Variants in RFTN2 observed in about 807,000 individuals in gnomAD.
RFTN2 encodes raftlin family member 2, also known as raftlin-2.
Under a neutral mutation model 52.7 loss-of-function variants are expected in RFTN2, and 34 were observed. The ratio of observed to expected loss-of-function variants is 0.64; its 90% CI spans 0.49 to 0.86. The LOEUF (loss-of-function observed/expected upper bound fraction) is 0.86. Among genes scored for constraint, RFTN2 ranks in the 40% least tolerant of loss-of-function variants. The pLI, the probability that RFTN2 is intolerant of heterozygous loss-of-function variation, is 0.00. For synonymous variants in RFTN2, 203 were observed against 217.7 expected (o/e 0.93, Z 0.59); for missense variants, 536 against 600.1 (o/e 0.89, Z 1.12).
chr2:197,621,147 G>A (rs2106218548), intron 5 of RFTN2, among the ~76,000 whole-genome samples: 1 of 151,572 alleles, frequency 6.6e-6, no homozygotes, highest in Middle Eastern at 3.4e-3. Flanking sequence ...GAAAGTTTAG[G>A]GCATCACTAG....
intron 7 of RFTN2, among the ~76,000 whole-genome samples, chr2:197,599,575 G>A (rs2087849037): frequency 3.3e-5 from 5 of 152,114 alleles, no homozygotes; most frequent in Admixed American, 3.3e-4. Flanking sequence ...TGGGTTAGGG[G>A]TGTATGTCAA....
intron 8 of RFTN2, among the ~76,000 whole-genome samples, chr2:197,594,075 G>C (rs966520642): frequency 2.8e-5 from 4 of 144,196 alleles, no homozygotes; most frequent in Non-Finnish European, 6.0e-5. Flanking sequence ...CAGTGCAGTG[G>C]TGCGATCTTG....
In RFTN2 at chr2:197,572,042, T is replaced by G. The variant is rs1172834766; in HGVS notation, c.1472A>C (p.Gln491Pro). 2 of 1,614,136 alleles carry G rather than the reference T, an allele frequency of 1.2e-6. No individual in the cohort carries two copies. Among genetic ancestry groups the G allele is most frequent in the Non-Finnish European group, 1.7e-6 (2 of 1,180,056 alleles). Residue 491 changes from glutamine (Q) to proline (P), a missense_variant, in exon 9 of 9, where the codon CAG becomes CCG. Coordinates refer to ENST00000295049, the MANE Select transcript of RFTN2 (RefSeq NM_144629.3). ...LRELDDGQFD[Q>P]EDGVTQVTCM ...AGTGACCTGAGTCACTCCATCTTCC[T>G]GATCAAACTGTCCGTCGTCTAATTC...
intron 8 of RFTN2, among the ~76,000 whole-genome samples, chr2:197,573,827 A>G (rs1205247471): frequency 6.6e-6 from 1 of 152,216 alleles, no homozygotes; most frequent in East Asian, 1.9e-4. Context: ...AGCCATGGCT[A>G]TATGGGGCCA....
Position 197,571,586 on chromosome 2 carries a change from A to G in RFTN2, c.*422T>C, listed in dbSNP as rs202125549. ...TGTGTGTGTGTATGAGAGAGAGAGA[A>G]AAAAAAAGAGAGAGAGAGGTTATTT... On this transcript the variant is annotated 3_prime_UTR_variant, in exon 9 of 9. Coordinates refer to ENST00000295049, the MANE Select transcript of RFTN2 (RefSeq NM_144629.3). 3.7e-4 allele frequency: 26 copies of G among 69,900 alleles called. No homozygotes were observed. Among genetic ancestry groups the G allele is most frequent in the South Asian group, 8.0e-4 (2 of 2,492 alleles). The allele number at this position is 69,900 out of a possible 1,614,324, so 4.3% of individuals were successfully genotyped here. A position where few individuals can be genotyped will look rare whatever the true frequency, so the allele number is the denominator to read the frequency against.
At chr2:197,575,796 A>ATATATTTTATATACATAATATATATTCTG (rs1415567240) in intron 8 of RFTN2, among the ~76,000 whole-genome samples, 2 of 139,150 alleles carry the variant, frequency 1.4e-5, no homozygotes, top group Non-Finnish European at 3.1e-5. Context: ...AATATATTAT[A>ATATATTTTATATACATAATATATATTCTG]TATATTTTAT....
chr2:197,589,580 A>T (rs2087663784), intron 8 of RFTN2, among the ~76,000 whole-genome samples: 1 of 152,170 alleles, frequency 6.6e-6, no homozygotes. Context: ...ATATCTCATT[A>T]TGAGTTTTCA....
In RFTN2 at chr2:197,631,188, C is replaced by T. The variant is rs139263903; in HGVS notation, c.751G>A (p.Ala251Thr). The T allele has an allele frequency of 2.0e-5, 32 of 1,613,184 alleles. No individual in the cohort carries two copies. The African/African-American group carries it at 2.5e-4, about 13-fold the overall frequency. ...SDNKLYTVFN[A>T]FDDDSTSWAY... ...CAGGAGGTTGAATCATCATCAAAAG[C>T]ATTGAAGACTGTATACAATTTGTTA... Residue 251 changes from alanine (A) to threonine (T), a missense_variant, in exon 5 of 9, where the codon GCT becomes ACT. By Grantham distance (58) the Ala-to-Thr change is moderately conservative. Transcript: ENST00000295049.
intron 5 of RFTN2, among the ~76,000 whole-genome samples, chr2:197,628,616 GA>G (rs60217804): frequency 0.24 from 35,822 of 151,968 alleles, 4,499 homozygotes; most frequent in African/African-American, 0.32. Flanking sequence ...AGAAACAAGA[GA>G]GAAAGAGAAA....
At chr2:197,638,838 T>G (rs1307045411) in intron 3 of RFTN2, among the ~76,000 whole-genome samples, 1 of 148,090 alleles carries the variant, frequency 6.8e-6, no homozygotes, top group Non-Finnish European at 1.5e-5. Context: ...CTAGTCTCGA[T>G]GGTCTTTACA....
intron 8 of RFTN2, among the ~76,000 whole-genome samples, chr2:197,593,115 T>G: frequency 6.6e-6 from 1 of 152,166 alleles, no homozygotes; most frequent in Non-Finnish European, 1.5e-5. Flanking sequence ...TATTATTAGA[T>G]TTGTCATTGA....
chr2:197,573,995 T>G (rs1486486611), intron 8 of RFTN2, among the ~76,000 whole-genome samples: 1 of 152,182 alleles, frequency 6.6e-6, no homozygotes, highest in Non-Finnish European at 1.5e-5. Context: ...GATGTCCAGG[T>G]AGAGGTGTGC....
intron 8 of RFTN2, among the ~76,000 whole-genome samples, chr2:197,583,784 C>G (rs1486088629): frequency 6.6e-6 from 1 of 152,070 alleles, no homozygotes; most frequent in Non-Finnish European, 1.5e-5. Flanking sequence ...CCCACTCCCC[C>G]ACCCCACGAC....
chr2:197,616,076 C>G (rs1401474988), intron 6 of RFTN2, 97 bp from the exon 7 acceptor site: 5 of 669,044 alleles, frequency 7.5e-6, no homozygotes, highest in Non-Finnish European at 1.3e-5. Flanking sequence ...GAGGGGAGTT[C>G]ACTTTCATCC....
At chr2:197,590,767 G>A (rs1338842414) in intron 8 of RFTN2, among the ~76,000 whole-genome samples, 2 of 152,262 alleles carry the variant, frequency 1.3e-5, no homozygotes, top group African/African-American at 4.8e-5. Context: ...AACGTGGCGC[G>A]TCTGGAGTTG....
At chr2:197,572,900 C>G (rs947063968) in intron 8 of RFTN2, among the ~76,000 whole-genome samples, 1 of 152,100 alleles carries the variant, frequency 6.6e-6, no homozygotes, top group African/African-American at 2.4e-5. Flanking sequence ...AAGGGGAGTT[C>G]CCTTGCACAT....
chr2:197,640,735 C>T (rs1312006764), intron 3 of RFTN2, among the ~76,000 whole-genome samples: 1 of 152,216 alleles, frequency 6.6e-6, no homozygotes, highest in African/African-American at 2.4e-5. Flanking sequence ...GGAGCTGTTC[C>T]TATTCGGCCA....
At chr2:197,572,356 G>T in intron 8 of RFTN2, 76 bp from the exon 9 acceptor site, 1 of 1,394,788 alleles carries the variant, frequency 7.2e-7, no homozygotes, top group Non-Finnish European at 1.0e-6. Context: ...AGCACATGCT[G>T]CCTTTCTGCC....
At chr2:197,575,802 T>G (rs1574672354) in intron 8 of RFTN2, among the ~76,000 whole-genome samples, 1 of 137,120 alleles carries the variant, frequency 7.3e-6, no homozygotes, top group Non-Finnish European at 1.5e-5. Flanking sequence ...TTATATATAT[T>G]TTATATACAT....
Sources: gnomAD v4.1 joint callset for allele counts (sites outside exome capture counted in the v4.1 genomes callset) on GRCh38, gnomAD v4.1.1 for gene constraint, MANE v1.5 for transcripts, NCBI Gene and HGNC (gene_info 2026-07-23, HGNC 2026-07-21) for gene names.